ABCA13: variants seen among roughly 807,000 people sequenced by gnomAD.
The protein encoded by ABCA13 is ATP-binding cassette sub-family A member 13.
Under a neutral mutation model 478.7 loss-of-function variants are expected in ABCA13, and 476 were observed. That is an observed-to-expected ratio of 0.99 (90% CI 0.92 to 1.07). The LOEUF is 1.07. ABCA13 is among the 50% of genes least tolerant of loss of function. The pLI is 0.00. For synonymous variants in ABCA13, 2,252 were observed against 2,158.9 expected (o/e 1.04, Z -1.20); for missense variants, 6,060 against 5,910.6 (o/e 1.03, Z -0.83).
chr7:48,566,896 C>T (rs1356171262), intron 55 of ABCA13, among the ~76,000 whole-genome samples: 1 of 152,168 alleles, frequency 6.6e-6, no homozygotes, highest in African/African-American at 2.4e-5. Flanking sequence ...CTGACCTCTA[C>T]TGTGGTTTAG....
At chr7:48,479,475 C>T (rs1187330257) in intron 45 of ABCA13, among the ~76,000 whole-genome samples, 2 of 152,046 alleles carry the variant, frequency 1.3e-5, no homozygotes, top group African/African-American at 4.8e-5. Flanking sequence ...TGACCTCAAG[C>T]GATCCACCCA....
chr7:48,296,697 C>T (rs1228955180), intron 21 of ABCA13, among the ~76,000 whole-genome samples: 6 of 152,076 alleles, frequency 3.9e-5, no homozygotes, highest in South Asian at 2.1e-4. Context: ...CTCCTGACCT[C>T]ATGATCCGCC....
chr7:48,217,163 A>G (rs1383846095), intron 3 of ABCA13, among the ~76,000 whole-genome samples: 2 of 152,208 alleles, frequency 1.3e-5, no homozygotes, highest in Non-Finnish European at 2.9e-5. Context: ...AGCACAATTC[A>G]CAAGTGCAAA....
intron 15 of ABCA13, among the ~76,000 whole-genome samples, chr7:48,253,879 T>C (rs1329288261): frequency 6.6e-6 from 1 of 152,146 alleles, no homozygotes; most frequent in African/African-American, 2.4e-5. Flanking sequence ...TCTTTAAATA[T>C]TTCTTTTACC....
intron 42 of ABCA13, among the ~76,000 whole-genome samples, chr7:48,439,525 C>A (rs1180701492): frequency 6.6e-6 from 1 of 152,058 alleles, no homozygotes; most frequent in Non-Finnish European, 1.5e-5. Flanking sequence ...TAAAATAAAT[C>A]TTGACATAAA....
rs761418016 is a variant in ABCA13 at position 48,412,543 on chromosome 7, A to G, written c.12419A>G (p.His4140Arg). 3 of 1,612,948 alleles carry G rather than the reference A, an allele frequency of 1.9e-6. No homozygotes were observed. The South Asian group carries it at 3.3e-5, about 18-fold the overall frequency. Reference sequence around the variant, plus strand: ...CTGGATGAGAACCTGCATCAGCTGCACCTGACGGGCTATGGGATCTCAGAC... The same window carrying G: ...CTGGATGAGAACCTGCATCAGCTGCGCCTGACGGGCTATGGGATCTCAGAC... ...QALDENLHQL[H>R]LTGYGISDTT... The change falls in exon 41 of 62, where the codon CAC becomes CGC. Residue 4140 changes from histidine to arginine, a missense_variant. His to Arg is a conservative substitution (Grantham distance 29). This residue lies in a region of ABCA13 where 1,627 missense variants were observed against 1,571.0 expected (regional missense o/e 1.04). Transcript: ENST00000435803.
At chr7:48,323,524 G>T (rs1454264244) in intron 27 of ABCA13, among the ~76,000 whole-genome samples, 4 of 152,144 alleles carry the variant, frequency 2.6e-5, no homozygotes, top group Non-Finnish European at 5.9e-5. Context: ...ATCTCCCAAG[G>T]TCATTAATTT....
rs574241927 is a variant in ABCA13, at chr7:48,538,100, C to CT, written c.14354+9773dup. Among the ~76,000 whole-genome samples, 228 of 113,400 alleles carry CT rather than the reference C, an allele frequency of 2.0e-3. 2 individuals carry two copies. Among genetic ancestry groups the CT allele is most frequent in the Middle Eastern group, 5.4e-3 (1 of 184 alleles). The allele number at this position is 113,400 out of a possible 152,430, so 74.4% of individuals were successfully genotyped here. Reference sequence around the variant, plus strand: ...TCTTATTTTTTTCTTTCTTTCTTTCCTTTTTTTTTTTTTTTTTTGAGGTGG... The same window carrying CT: ...TCTTATTTTTTTCTTTCTTTCTTTCCTTTTTTTTTTTTTTTTTTTGAGGTGG... On this transcript the variant is annotated intron_variant, in intron 55 of 61. Transcript: ENST00000435803.
At chr7:48,445,016 T>C (rs866246430) in intron 42 of ABCA13, among the ~76,000 whole-genome samples, 1,581 of 151,446 alleles carry the variant, frequency 0.01, 30 homozygotes, top group African/African-American at 0.036. Context: ...TCTTTCTTTT[T>C]TTTTTTTTTG....
rs773795571 is a variant in ABCA13, at chr7:48,507,957, G to A, written c.13432G>A (p.Val4478Met). 1 of 1,613,802 alleles carries A rather than the reference G, an allele frequency of 6.2e-7. No individual in the cohort carries two copies. The highest frequency in any genetic ancestry group is 1.1e-5 in the South Asian group (1 of 91,064). ...ILSASIGSSV[V>M]RDRVIGAKRL... ...GTCTGCATCCATCGGCAGCTCTGTG[G>A]TGAGGGACAGGGTGATTGGAGCCAA... is the stretch of plus-strand genomic sequence containing the variant. Residue 4478 changes from valine to methionine, a missense_variant, in exon 50 of 62, where the codon GTG becomes ATG. Val to Met is a conservative substitution (Grantham distance 21, BLOSUM62 1). Transcript: ENST00000435803.
chr7:48,265,217 G>A (rs1436799523), intron 15 of ABCA13, among the ~76,000 whole-genome samples: 1 of 151,394 alleles, frequency 6.6e-6, no homozygotes, highest in Admixed American at 6.6e-5. Flanking sequence ...TTTAGGTAGT[G>A]TTAGACCTTT....
At chr7:48,435,944 T>C (rs1822768283) in intron 42 of ABCA13, among the ~76,000 whole-genome samples, 1 of 151,218 alleles carries the variant, frequency 6.6e-6, no homozygotes, top group South Asian at 2.1e-4. Context: ...TTTGTATCAA[T>C]ATTCATAAGG....
chr7:48,329,783 G>T (rs553350433), intron 27 of ABCA13, among the ~76,000 whole-genome samples: 1 of 139,536 alleles, frequency 7.2e-6, no homozygotes, highest in African/African-American at 2.7e-5. Flanking sequence ...TCATCCACCC[G>T]TCTATCCACC....
intron 51 of ABCA13, among the ~76,000 whole-genome samples, chr7:48,512,209 C>T (rs1831751024): frequency 6.6e-6 from 1 of 152,084 alleles, no homozygotes; most frequent in African/African-American, 2.4e-5. Context: ...ACTCACTAAC[C>T]CCAATGCTGT....
chr7:48,617,427 T>C (rs1281813899), intron 59 of ABCA13, among the ~76,000 whole-genome samples: 1 of 152,144 alleles, frequency 6.6e-6, no homozygotes, highest in Non-Finnish European at 1.5e-5. Context: ...AGATTATGGC[T>C]GAATTTGGGC....
At chr7:48,323,220 G>A (rs1803769818) in intron 27 of ABCA13, among the ~76,000 whole-genome samples, 1 of 152,190 alleles carries the variant, frequency 6.6e-6, no homozygotes, top group South Asian at 2.1e-4. Context: ...GTCGCCTGCT[G>A]TAATATAAGC....
At chr7:48,526,137 G>A (rs1832878871) in intron 54 of ABCA13, among the ~76,000 whole-genome samples, 1 of 152,142 alleles carries the variant, frequency 6.6e-6, no homozygotes, top group Non-Finnish European at 1.5e-5. Context: ...AAGGGGAGAA[G>A]TTAGGGTAAT....
At chr7:48,593,187 T>A (rs1370731002) in intron 57 of ABCA13, among the ~76,000 whole-genome samples, 1 of 147,282 alleles carries the variant, frequency 6.8e-6, no homozygotes, top group African/African-American at 2.7e-5. Context: ...ATTTGATAAT[T>A]TTTTTTTGTG....
intron 15 of ABCA13, among the ~76,000 whole-genome samples, chr7:48,249,669 T>G (rs1792238893): frequency 6.6e-6 from 1 of 152,120 alleles, no homozygotes; most frequent in Admixed American, 6.6e-5. Context: ...CTCACAAGAG[T>G]CCAGATTTTC....
Sources: gnomAD v4.1 joint callset for allele counts (sites outside exome capture counted in the v4.1 genomes callset) on GRCh38, gnomAD v4.1.1 for gene constraint, gnomAD v4.1.1 regional missense constraint, MANE v1.5 for transcripts, NCBI Gene and HGNC (gene_info 2026-07-23, HGNC 2026-07-21) for gene names.